The following KCNJ6 variants were observed in gnomAD, a reference collection of about 807,000 sequenced individuals.
The protein encoded by KCNJ6 is potassium inwardly rectifying channel subfamily J member 6, also known as G protein-activated inward rectifier potassium channel 2.
KCNJ6 carries 9 observed loss-of-function variants against 34.2 expected under a neutral mutation model. That is an observed-to-expected ratio of 0.26 (90% CI 0.16 to 0.46). The LOEUF is 0.46. Among genes scored for constraint, KCNJ6 ranks in the 20% least tolerant of loss-of-function variants. KCNJ6 has a pLI of 1.00. For synonymous variants in KCNJ6, 196 were observed against 207.1 expected (o/e 0.95, Z 0.46); for missense variants, 236 against 531.3 (o/e 0.44, Z 5.46).
Position 37,618,061 on chromosome 21 carries a change from A to G in KCNJ6, c.*7098T>C, listed in dbSNP as rs1011343263. The G allele has an allele frequency of 6.6e-6, 1 of 152,300 alleles. No individual in the cohort carries two copies. The highest frequency in any genetic ancestry group is 1.5e-5 in the Non-Finnish European group (1 of 68,106). The allele number at this position is 152,300 out of a possible 1,614,324, so 9.4% of individuals were successfully genotyped here. On this transcript the variant is annotated 3_prime_UTR_variant, in exon 4 of 4. Coordinates refer to ENST00000609713, the MANE Select transcript of KCNJ6 (RefSeq NM_002240.5). Reference sequence around the variant, plus strand: ...CATGGCTGAGGATTTTGTTCTGCCCAAGTCTGAGCTACGGGAGGGTATTTC... The same window carrying G: ...CATGGCTGAGGATTTTGTTCTGCCCGAGTCTGAGCTACGGGAGGGTATTTC...
intron 1 of KCNJ6, among the ~76,000 whole-genome samples, chr21:37,904,711 GAGA>G (rs1384014766): frequency 6.6e-6 from 1 of 152,174 alleles, no homozygotes; most frequent in Non-Finnish European, 1.5e-5. Flanking sequence ...CATGGGCAGA[GAGA>G]AGGTTTGTAG....
At chr21:37,799,297 G>A (rs1275309220) in intron 2 of KCNJ6, among the ~76,000 whole-genome samples, 1 of 152,216 alleles carries the variant, frequency 6.6e-6, no homozygotes, top group African/African-American at 2.4e-5. Flanking sequence ...TGCTGCCTAG[G>A]AGGGGAAATG....
rs2054235507 is a variant in KCNJ6 at position 37,609,591 on chromosome 21, T to C, written c.*15568A>G. ...CAATGAATTATCTTATGATTAATAA[T>C]GAAAAGTGGCCACTATTTTCCATTA... On this transcript the variant is annotated 3_prime_UTR_variant, in exon 4 of 4. Coordinates refer to ENST00000609713, the MANE Select transcript of KCNJ6 (RefSeq NM_002240.5). 1 of 152,202 alleles carries C rather than the reference T, an allele frequency of 6.6e-6. No individual in the cohort carries two copies. Among genetic ancestry groups the C allele is most frequent in the Non-Finnish European group, 1.5e-5 (1 of 68,032 alleles). The allele number at this position is 152,202 out of a possible 1,614,324, so 9.4% of individuals were successfully genotyped here.
chr21:37,710,554 C>T (rs2054746204), intron 3 of KCNJ6, among the ~76,000 whole-genome samples: 1 of 152,184 alleles, frequency 6.6e-6, no homozygotes, highest in South Asian at 2.1e-4. Context: ...GCACATTTGC[C>T]GAGGAGTGGG....
intron 3 of KCNJ6, among the ~76,000 whole-genome samples, chr21:37,679,850 G>A (rs2054582990): frequency 6.6e-6 from 1 of 152,130 alleles, no homozygotes; most frequent in African/African-American, 2.4e-5. Context: ...AGACATGGTT[G>A]GAAAAATCTT....
intron 2 of KCNJ6, among the ~76,000 whole-genome samples, chr21:37,752,683 C>T (rs1601453966): frequency 6.6e-6 from 1 of 152,246 alleles, no homozygotes; most frequent in Non-Finnish European, 1.5e-5. Flanking sequence ...GGAATCCTGG[C>T]TAGGCGGCCC....
At chr21:37,771,750 G>A (rs554818218) in intron 2 of KCNJ6, among the ~76,000 whole-genome samples, 2 of 152,334 alleles carry the variant, frequency 1.3e-5, no homozygotes, top group South Asian at 4.1e-4. Context: ...GGTTGAGGCT[G>A]ATGTAGTTTT....
chr21:37,840,728 G>T lies in KCNJ6; in HGVS notation c.-27-19C>A, dbSNP rs1395616599. 2 of 1,383,724 alleles carry T rather than the reference G, an allele frequency of 1.4e-6. No individual in the cohort carries two copies. The highest frequency in any genetic ancestry group is 1.8e-4 in the Middle Eastern group (1 of 5,480). 85.7% of individuals were successfully genotyped at this position (1,383,724 alleles called of 1,614,324 possible). A position where few individuals can be genotyped will look rare whatever the true frequency, so the allele number is the denominator to read the frequency against. ...GCTTTTCCTGGAGGTGAGAAGAAAA[G>T]ACAATTATCTGTAAAACATGTCTTA... On this transcript the variant is annotated intron_variant, in intron 1 of 3. Coordinates refer to ENST00000609713, the MANE Select transcript of KCNJ6 (RefSeq NM_002240.5).
intron 3 of KCNJ6, among the ~76,000 whole-genome samples, chr21:37,653,993 AG>A (rs1480230500): frequency 1.3e-5 from 2 of 151,956 alleles, no homozygotes; most frequent in African/African-American, 2.4e-5. Flanking sequence ...TGGGGACCCT[AG>A]AAAGTTCTGG....
In KCNJ6 at chr21:37,625,300, T is replaced by G; in HGVS notation, c.1131A>C (p.Ala377=). Residue 377 remains alanine, a synonymous_variant, in exon 4 of 4, where the codon GCA becomes GCC. Coordinates refer to ENST00000609713, the MANE Select transcript of KCNJ6 (RefSeq NM_002240.5). ...AKELAELASR[A]ELPLSWSVSS... is the part of the protein sequence containing the mutation. The stretch of plus-strand genomic sequence containing the variant: ...ATACAGACCAACTCAGGGGCAGCTC[T>G]GCCCTGCTGGCTAACTCGGCCAGCT... The G allele has an allele frequency of 6.2e-7, 1 of 1,614,266 alleles. No homozygotes were observed. Among genetic ancestry groups the G allele is most frequent in the Non-Finnish European group, 8.5e-7 (1 of 1,180,040 alleles).
chr21:37,856,192 C>A (rs1008766050), intron 1 of KCNJ6, among the ~76,000 whole-genome samples: 1 of 152,190 alleles, frequency 6.6e-6, no homozygotes, highest in Non-Finnish European at 1.5e-5. Flanking sequence ...ATTTTAAAAT[C>A]TCGTAATTCT....
intron 1 of KCNJ6, among the ~76,000 whole-genome samples, chr21:37,894,658 T>C (rs955160029): frequency 4.6e-5 from 7 of 151,158 alleles, no homozygotes; most frequent in Non-Finnish European, 1.5e-5. Flanking sequence ...TGAGATTCCA[T>C]CTCAAAAAAA....
intron 2 of KCNJ6, among the ~76,000 whole-genome samples, chr21:37,726,430 G>A (rs761170024): frequency 3.9e-5 from 6 of 152,128 alleles, no homozygotes; most frequent in Non-Finnish European, 8.8e-5. Flanking sequence ...GAAAAAGCAC[G>A]TGGTACATGG....
In KCNJ6 at chr21:37,615,004, G is replaced by A. The variant is rs997279991; in HGVS notation, c.*10155C>T. ...GTGATAACAGGCCACATGTTTTGTT[G>A]ATGCCTGTTGTCACAGAATTAGAAA... is the stretch of plus-strand genomic sequence containing the variant. On this transcript the variant is annotated 3_prime_UTR_variant, in exon 4 of 4. Transcript: ENST00000609713. 2.6e-5 allele frequency: 4 copies of A among 152,190 alleles called. No individual in the cohort carries two copies. The highest frequency in any genetic ancestry group is 5.9e-5 in the Non-Finnish European group (4 of 68,030). The allele number at this position is 152,190 out of a possible 1,614,324, so 9.4% of individuals were successfully genotyped here.
rs755674854 is a variant in KCNJ6, at chr21:37,714,904, C to T, written c.253G>A (p.Val85Met). The change falls in exon 3 of 4, where the codon GTG (valine) becomes ATG (methionine). Residue 85 changes from valine to methionine, a missense_variant. Around this residue, in one of 5 missense-constraint regions of KCNJ6, gnomAD observed 68 missense variants for 165.7 expected, o/e 0.41. Transcript: ENST00000609713. This position sits in a 1 kb window ranked among gnomAD's most constrained non-coding sequence, Gnocchi z 5.9. ...AGGTTGAATCTCCACTTCAGGTCCA[C>T]TAATGTGGTGAAGATATCGGTCAGG... ...RYLTDIFTTL[V>M]DLKWRFNLLI... 2 of 1,614,130 alleles carry T rather than the reference C, an allele frequency of 1.2e-6. No individual in the cohort carries two copies. The highest frequency in any genetic ancestry group is 1.7e-6 in the Non-Finnish European group (2 of 1,180,056).
chr21:37,676,965 G>A (rs1268984129), intron 3 of KCNJ6, among the ~76,000 whole-genome samples: 1 of 152,234 alleles, frequency 6.6e-6, no homozygotes, highest in Non-Finnish European at 1.5e-5. Flanking sequence ...ATTGGGACCT[G>A]AGACCTTATT....
intron 2 of KCNJ6, chr21:37,717,336 T>TG (rs1569451187): frequency 6.6e-6 from 1 of 151,816 alleles, no homozygotes; most frequent in East Asian, 1.9e-4. Flanking sequence ...GGTGGGTGTA[T>TG]GGATGGAGGC....
chr21:37,845,631 T>C (rs1219108535), intron 1 of KCNJ6, among the ~76,000 whole-genome samples: 2 of 152,244 alleles, frequency 1.3e-5, no homozygotes, highest in African/African-American at 4.8e-5. Context: ...TGTGGGTTTG[T>C]AATCATTATT....
chr21:37,740,709 T>C (rs1185231235), intron 2 of KCNJ6, among the ~76,000 whole-genome samples: 2 of 152,226 alleles, frequency 1.3e-5, no homozygotes, highest in Non-Finnish European at 2.9e-5. Flanking sequence ...TTTACAGAGT[T>C]TGACTCTTTT....
Sources: allele counts gnomAD v4.1 joint callset (sites outside exome capture counted in the v4.1 genomes callset), GRCh38; gene constraint gnomAD v4.1.1; regional missense constraint gnomAD v4.1.1; non-coding constraint Gnocchi (gnomAD v3.1); transcripts MANE v1.5; gene names NCBI Gene and HGNC (gene_info 2026-07-23, HGNC 2026-07-21).